The following FAF1 variants were observed in gnomAD, a reference collection of about 807,000 sequenced individuals.
FAF1 encodes the protein FAS-associated factor 1.
Under a neutral mutation model 92.5 loss-of-function variants are expected in FAF1, and 25 were observed. That is an observed-to-expected ratio of 0.27 (90% CI 0.20 to 0.38). The LOEUF is 0.38. FAF1 is among the 10% of genes least tolerant of loss of function. FAF1 has a pLI of 1.00. For synonymous variants in FAF1, 234 were observed against 273.2 expected, an observed-to-expected ratio of 0.86 and a Z score of 1.42; for missense variants, 636 against 793.3, an observed-to-expected ratio of 0.80 and a Z score of 2.38.
chr1:50,558,689 C>G (rs1649717084), intron 13 of FAF1, among the ~76,000 whole-genome samples: 1 of 152,174 alleles, frequency 6.6e-6, no homozygotes, highest in Non-Finnish European at 1.5e-5. Context: ...ACCTTTGTAT[C>G]TTAGCTTCTA....
At chr1:50,441,590 T>C in intron 18 of FAF1, 67 bp from the exon 19 acceptor site, 6 of 846,586 alleles carry the variant, frequency 7.1e-6, no homozygotes, top group South Asian at 1.8e-5. Context: ...ATGGCCTTCA[T>C]TTTATCTATG....
At chr1:50,489,123 T>C (rs1347151070) in intron 17 of FAF1, among the ~76,000 whole-genome samples, 1 of 152,260 alleles carries the variant, frequency 6.6e-6, no homozygotes, top group African/African-American at 2.4e-5. Flanking sequence ...CTTTTATTTC[T>C]ATGTCATTTA....
At chr1:50,556,883 A>T (rs1255204647) in intron 13 of FAF1, among the ~76,000 whole-genome samples, 1 of 151,368 alleles carries the variant, frequency 6.6e-6, no homozygotes, top group Non-Finnish European at 1.5e-5. Context: ...TAAAATAAAT[A>T]AAATAAAATA....
At chr1:50,485,868 G>C (rs868292679) in intron 17 of FAF1, among the ~76,000 whole-genome samples, 5 of 151,988 alleles carry the variant, frequency 3.3e-5, no homozygotes, top group Non-Finnish European at 5.9e-5. Context: ...GGGAGAGAGA[G>C]AGAGAACAAC....
At chr1:50,692,738 T>C (rs1241941068) in intron 7 of FAF1, among the ~76,000 whole-genome samples, 1 of 152,230 alleles carries the variant, frequency 6.6e-6, no homozygotes, top group Non-Finnish European at 1.5e-5. Context: ...AATGCTTCAA[T>C]GAATACTGGA....
At chr1:50,531,985 T>C (rs1430366277) in intron 15 of FAF1, among the ~76,000 whole-genome samples, 1 of 152,174 alleles carries the variant, frequency 6.6e-6, no homozygotes, top group Non-Finnish European at 1.5e-5. Flanking sequence ...CAAACTTAAG[T>C]CTTATTTCTA....
At chr1:50,505,431 T>G (rs79819370) in intron 15 of FAF1, among the ~76,000 whole-genome samples, 3,000 of 152,028 alleles carry the variant, frequency 0.02, 116 homozygotes, top group African/African-American at 0.069. Flanking sequence ...ATTTTGGGGG[T>G]GTGTGTATGT....
intron 8 of FAF1, among the ~76,000 whole-genome samples, chr1:50,638,180 C>G (rs1474175978): frequency 6.6e-6 from 1 of 152,040 alleles, no homozygotes; most frequent in African/African-American, 2.4e-5. Context: ...GCTAATTTCA[C>G]TTGTCACATC....
At chr1:50,808,885 T>A (rs1422993664) in intron 2 of FAF1, among the ~76,000 whole-genome samples, 1 of 152,054 alleles carries the variant, frequency 6.6e-6, no homozygotes, top group African/African-American at 2.4e-5. Context: ...CAGCAGCACA[T>A]CCAGTAAGGG....
chr1:50,957,202 A>G (rs1244628801), intron 1 of FAF1, among the ~76,000 whole-genome samples: 1 of 152,172 alleles, frequency 6.6e-6, no homozygotes, highest in Non-Finnish European at 1.5e-5. Flanking sequence ...TTGACAATAT[A>G]AAATTAACAT....
chr1:50,819,559 C>T (rs947775982), intron 2 of FAF1, among the ~76,000 whole-genome samples: 2 of 147,420 alleles, frequency 1.4e-5, no homozygotes, highest in African/African-American at 5.0e-5. Flanking sequence ...CCCAGGAGTT[C>T]GAGACTGCAA....
chr1:50,820,003 T>G (rs1243736865), intron 2 of FAF1, among the ~76,000 whole-genome samples: 1 of 151,528 alleles, frequency 6.6e-6, no homozygotes, highest in Non-Finnish European at 1.5e-5. Context: ...TTAGCTAGTA[T>G]AGCAATCCAT....
intron 15 of FAF1, among the ~76,000 whole-genome samples, chr1:50,524,083 C>A (rs1347043333): frequency 1.3e-5 from 2 of 151,808 alleles, no homozygotes; most frequent in East Asian, 3.9e-4. Flanking sequence ...TTAATAATAG[C>A]CCTTCTGACT....
intron 7 of FAF1, among the ~76,000 whole-genome samples, chr1:50,703,588 T>C (rs1340501608): frequency 6.6e-6 from 1 of 151,828 alleles, no homozygotes; most frequent in Non-Finnish European, 1.5e-5. Flanking sequence ...TAAATTAACT[T>C]AAAGGGAAAA....
In FAF1 at chr1:50,793,859, C is replaced by T. The variant is rs561885927; in HGVS notation, c.162-5654G>A. Among the ~76,000 whole-genome samples, 12 of 152,324 alleles carry T rather than the reference C, an allele frequency of 7.9e-5. No individual in the cohort carries two copies. In the South Asian group the frequency reaches 2.5e-3, roughly 32 times the overall value. ...CATAAGCAGCAAGTATAGGTTAAGTCTCCCTAATCCATAAGTCTGAAATCT... is the reference window on the plus strand; with the variant it reads ...CATAAGCAGCAAGTATAGGTTAAGTTTCCCTAATCCATAAGTCTGAAATCT... On this transcript the variant is annotated intron_variant, in intron 3 of 18. Transcript: ENST00000396153.
intron 15 of FAF1, among the ~76,000 whole-genome samples, chr1:50,503,801 G>A (rs1647022036): frequency 6.6e-6 from 1 of 152,094 alleles, no homozygotes; most frequent in Non-Finnish European, 1.5e-5. Context: ...ATACCATATG[G>A]TTTAATTTTT....
In FAF1 at chr1:50,438,041, A is replaced by T. The variant is rs1317639228; in HGVS notation, c.*3399T>A. ...CTGTCTCAAAAAAAAAAAAAAAAAA[A>T]AAAAAAAATTAGAGATTCTTTGTAG... On this transcript the variant is annotated 3_prime_UTR_variant, in exon 19 of 19. Coordinates refer to ENST00000396153, the MANE Select transcript of FAF1 (RefSeq NM_007051.3). 1 of 151,948 alleles carries T rather than the reference A, an allele frequency of 6.6e-6. No individual in the cohort carries two copies. The highest frequency in any genetic ancestry group is 2.4e-5 in the African/African-American group (1 of 41,244). 9.4% of individuals were successfully genotyped at this position (151,948 alleles called of 1,614,324 possible).
intron 18 of FAF1, among the ~76,000 whole-genome samples, chr1:50,462,554 T>G (rs1334134442): frequency 6.6e-6 from 1 of 152,216 alleles, no homozygotes; most frequent in Non-Finnish European, 1.5e-5. Context: ...GTAGCCAATT[T>G]GAAGAAAGTA....
At chr1:50,465,629 TTC>T (rs1646485056) in intron 18 of FAF1, among the ~76,000 whole-genome samples, 1 of 152,062 alleles carries the variant, frequency 6.6e-6, no homozygotes, top group Non-Finnish European at 1.5e-5. Flanking sequence ...TAGTGAACAG[TTC>T]AGTGGAGAAA....
Sources: allele counts gnomAD v4.1 joint callset (sites outside exome capture counted in the v4.1 genomes callset), GRCh38; gene constraint gnomAD v4.1.1; transcripts MANE v1.5; gene names NCBI Gene and HGNC (gene_info 2026-07-23, HGNC 2026-07-21).